The following BICC1 variants were observed in gnomAD, a reference collection of about 807,000 sequenced individuals.
BICC1 encodes protein bicaudal C homolog 1.
Under a neutral mutation model 111.0 loss-of-function variants are expected in BICC1, and 43 were observed. The observed-to-expected ratio is 0.39, with a 90% CI of 0.30 to 0.50. The LOEUF (loss-of-function observed/expected upper bound fraction) is 0.50. Among genes scored for constraint, BICC1 ranks in the 20% least tolerant of loss-of-function variants. BICC1 has a pLI of 0.88. For synonymous variants in BICC1, 467 were observed against 434.4 expected, an observed-to-expected ratio of 1.07 and a Z score of -0.93; for missense variants, 1,091 against 1,203.2, an observed-to-expected ratio of 0.91 and a Z score of 1.38.
intron 1 of BICC1, among the ~76,000 whole-genome samples, chr10:58,551,723 C>T (rs1002086724): frequency 2.6e-5 from 4 of 152,098 alleles, no homozygotes; most frequent in Admixed American, 1.3e-4. Context: ...TTTTAGATTT[C>T]GCATATAAGT....
At chr10:58,616,832 C>CATAG (rs1198538903) in intron 1 of BICC1, among the ~76,000 whole-genome samples, 1 of 152,230 alleles carries the variant, frequency 6.6e-6, no homozygotes, top group African/African-American at 2.4e-5. Context: ...GGGCTATGTG[C>CATAG]ATAGCCCCAC....
intron 2 of BICC1, among the ~76,000 whole-genome samples, chr10:58,636,580 G>T (rs1199769628): frequency 6.6e-6 from 1 of 151,354 alleles, no homozygotes; most frequent in Non-Finnish European, 1.5e-5. Flanking sequence ...ACACATCATT[G>T]TCTCCTCCTC....
chr10:58,521,725 T>A (rs1430916644), intron 1 of BICC1, among the ~76,000 whole-genome samples: 3 of 151,092 alleles, frequency 2.0e-5, no homozygotes, highest in Non-Finnish European at 4.4e-5. Flanking sequence ...GGATCAGTAT[T>A]TTTTAAAAGT....
At chr10:58,727,905 T>A (rs1008381868) in intron 3 of BICC1, among the ~76,000 whole-genome samples, 1 of 152,238 alleles carries the variant, frequency 6.6e-6, no homozygotes, top group Non-Finnish European at 1.5e-5. Flanking sequence ...CATTACATGG[T>A]AGTTGATTAA....
chr10:58,581,402 ATGT>A (rs997405698), intron 1 of BICC1, among the ~76,000 whole-genome samples: 2 of 152,184 alleles, frequency 1.3e-5, no homozygotes, highest in African/African-American at 2.4e-5. Context: ...TTATTTTTAA[ATGT>A]TGTAGTGTTT....
At position 58,771,492 on chromosome 10, in the gene BICC1, A is replaced by C. The variant is rs148109861; in HGVS notation, c.308-13509A>C. On this transcript the variant is annotated intron_variant, in intron 3 of 20. Coordinates refer to ENST00000373886, the MANE Select transcript of BICC1 (RefSeq NM_001080512.3). ...GGGGTAGCATGTAATAGGCCTTTTA[A>C]GGGAACAAGCAGTGTCACGGGAAAC... 2.5e-3 allele frequency among the ~76,000 whole-genome samples: 378 copies of C among 152,214 alleles called. 2 individuals carry two copies. Among genetic ancestry groups the C allele is most frequent in the Non-Finnish European group, 2.1e-3 (144 of 68,014 alleles).
At chr10:58,604,170 T>A (rs1327228619) in intron 1 of BICC1, among the ~76,000 whole-genome samples, 1 of 152,156 alleles carries the variant, frequency 6.6e-6, no homozygotes, top group Non-Finnish European at 1.5e-5. Context: ...CACTTAATTA[T>A]CCTCTGATAG....
intron 3 of BICC1, among the ~76,000 whole-genome samples, chr10:58,708,641 G>T (rs1419250291): frequency 6.6e-6 from 1 of 152,208 alleles, no homozygotes; most frequent in African/African-American, 2.4e-5. Flanking sequence ...TGTTTACATA[G>T]CACGTGAAGA....
At chr10:58,707,616 G>A (rs955162932) in intron 3 of BICC1, among the ~76,000 whole-genome samples, 5 of 152,092 alleles carry the variant, frequency 3.3e-5, no homozygotes, top group African/African-American at 9.6e-5. Context: ...TGTGACCTCC[G>A]CCTCCCGGGT....
At chr10:58,601,813 A>G (rs1046667024) in intron 1 of BICC1, among the ~76,000 whole-genome samples, 2 of 152,114 alleles carry the variant, frequency 1.3e-5, no homozygotes, top group South Asian at 2.1e-4. Flanking sequence ...GGGAAAATAC[A>G]CCATTTAAAA....
chr10:58,647,198 T>A (rs899928743), intron 2 of BICC1, among the ~76,000 whole-genome samples: 1 of 152,198 alleles, frequency 6.6e-6, no homozygotes, highest in East Asian at 1.9e-4. Context: ...TACAAAATCC[T>A]TTTTAGTTAT....
At chr10:58,805,283 ACT>A (rs935899625) in intron 15 of BICC1, among the ~76,000 whole-genome samples, 3 of 150,892 alleles carry the variant, frequency 2.0e-5, no homozygotes, top group East Asian at 3.9e-4. Flanking sequence ...ACAGAGCGAG[ACT>A]CTGTCTAAAA....
chr10:58,569,309 C>G (rs1658432), intron 1 of BICC1, among the ~76,000 whole-genome samples: 69,925 of 151,968 alleles, frequency 0.46, 17,109 homozygotes, highest in Admixed American at 0.62. Context: ...TACAGTGTTG[C>G]ATTTTTCTTC....
intron 2 of BICC1, chr10:58,648,709 G>C: frequency 1.0e-6 from 1 of 960,976 alleles, no homozygotes. Context: ...CCTCTCTGTT[G>C]TTTGACCATA....
chr10:58,602,234 A>G lies in BICC1; in HGVS notation c.191-18621A>G, dbSNP rs952203362. ...CTGTAGCAGATTCATTTTAATTGAG[A>G]TAGAATTTGACTCCTTAACCAAAGT... On this transcript the variant is annotated intron_variant, in intron 1 of 20. Coordinates refer to ENST00000373886, the MANE Select transcript of BICC1 (RefSeq NM_001080512.3). Among the ~76,000 whole-genome samples, 5 of 152,184 alleles carry G rather than the reference A, an allele frequency of 3.3e-5. No homozygotes were observed. In the South Asian group the frequency reaches 1.0e-3, roughly 31 times the overall value.
At chr10:58,553,643 A>G (rs954457002) in intron 1 of BICC1, among the ~76,000 whole-genome samples, 14 of 152,286 alleles carry the variant, frequency 9.2e-5, no homozygotes, top group Middle Eastern at 3.4e-3. Context: ...AAGGAACACC[A>G]TGCAAGTTAA....
intron 1 of BICC1, among the ~76,000 whole-genome samples, chr10:58,547,780 C>T (rs2131902738): frequency 6.6e-6 from 1 of 152,240 alleles, no homozygotes; most frequent in South Asian, 2.1e-4. Flanking sequence ...GAAGCTCTTT[C>T]AGTTGGCTAC....
chr10:58,517,458 A>C (rs1191773039), intron 1 of BICC1, among the ~76,000 whole-genome samples: 1 of 152,008 alleles, frequency 6.6e-6, no homozygotes, highest in African/African-American at 2.4e-5. Context: ...TTTGATGAAC[A>C]GATAATAATT....
chr10:58,617,662 A>G (rs1280953002), intron 1 of BICC1, among the ~76,000 whole-genome samples: 1 of 152,268 alleles, frequency 6.6e-6, no homozygotes, highest in Non-Finnish European at 1.5e-5. Flanking sequence ...GGTGATCACC[A>G]AGGTGGTGAC....
Sources: allele counts gnomAD v4.1 joint callset (sites outside exome capture counted in the v4.1 genomes callset), GRCh38; gene constraint gnomAD v4.1.1; transcripts MANE v1.5; gene names NCBI Gene and HGNC (gene_info 2026-07-23, HGNC 2026-07-21).